CRAMP1: variants seen among roughly 807,000 people sequenced by gnomAD.
CRAMP1 encodes protein cramped-like.
Under a neutral mutation model 115.4 loss-of-function variants are expected in CRAMP1, and 50 were observed. The ratio of observed to expected loss-of-function variants is 0.43; its 90% CI spans 0.35 to 0.55. The LOEUF is 0.55. Among genes scored for constraint, CRAMP1 ranks in the 20% least tolerant of loss-of-function variants. The pLI is 0.01. For synonymous variants in CRAMP1, 866 were observed against 745.4 expected (o/e 1.16, Z -2.64); for missense variants, 1,679 against 1,721.7 (o/e 0.98, Z 0.44).
intron 11 of CRAMP1, among the ~76,000 whole-genome samples, chr16:1,660,878 C>T (rs1028138614): frequency 2.0e-5 from 3 of 152,066 alleles, no homozygotes; most frequent in Non-Finnish European, 4.4e-5. Flanking sequence ...CGTGGTGGTG[C>T]GCGCCTGTTA....
chr16:1,673,989 G>T lies in CRAMP1; in HGVS notation c.3754G>T (p.Glu1252Ter), dbSNP rs1451547341. The stretch of plus-strand genomic sequence containing the variant: ...GTCCATCGCTGAGCCTGGCCGCCGA[G>T]AAGCTCTGTTTGATGGTGGTGGAGG... ...ELSIAEPGRREALFDGGGGGP... is the reference protein window; with the variant it reads ...ELSIAEPGRR The change falls in exon 21 of 21, where the codon GAA (glutamate) becomes TAA (stop). Residue 1252 changes from glutamate (E) to a stop codon, truncating the protein, a stop_gained. Transcript: ENST00000397412. LOFTEE classifies it high-confidence loss of function. 1 of 1,612,774 alleles carries T rather than the reference G, an allele frequency of 6.2e-7. No homozygotes were observed. The highest frequency in any genetic ancestry group is 1.7e-5 in the Admixed American group (1 of 60,002).
chr16:1,655,142 A>G, intron 8 of CRAMP1, 77 bp from the exon 9 acceptor site: 2 of 1,298,308 alleles, frequency 1.5e-6, no homozygotes, highest in Admixed American at 3.4e-5. Flanking sequence ...CTCCTGCTGT[A>G]AGCAGCCTCG....
intron 13 of CRAMP1, among the ~76,000 whole-genome samples, 173 bp downstream of exon 13, chr16:1,663,008 C>T (rs1315878891): frequency 6.6e-6 from 1 of 152,136 alleles, no homozygotes; most frequent in Non-Finnish European, 1.5e-5. Context: ...TTAATGGTAC[C>T]CAGAAGTAAA....
chr16:1,655,691 C>T (rs1477091766), intron 9 of CRAMP1, among the ~76,000 whole-genome samples, 186 bp from the exon 10 acceptor site: 1 of 152,184 alleles, frequency 6.6e-6, no homozygotes, highest in African/African-American at 2.4e-5. Flanking sequence ...GTGTGAATTT[C>T]CTGAAGGTAC....
intron 4 of CRAMP1, among the ~76,000 whole-genome samples, chr16:1,634,500 G>C (rs1000105877): frequency 1.3e-5 from 2 of 151,686 alleles, no homozygotes; most frequent in Non-Finnish European, 2.9e-5. Flanking sequence ...CTCGGTGGGG[G>C]GTCACACCCA....
At chr16:1,661,715 C>T (rs1288867842) in intron 11 of CRAMP1, among the ~76,000 whole-genome samples, 1 of 151,854 alleles carries the variant, frequency 6.6e-6, no homozygotes, top group East Asian at 1.9e-4. Context: ...CCTGCCTCAG[C>T]CACCCGAGTA....
In CRAMP1 at chr16:1,653,163, T is replaced by C. The variant is rs1270033160; in HGVS notation, c.1037+7T>C. The C allele has an allele frequency of 6.2e-7, 1 of 1,606,386 alleles. No homozygotes were observed. Reference sequence around the variant, plus strand: ...CCCAGAACCCACGCCTCAGGTAACATGGCCCTTGGCACGCAGAGGGGTCCC... The same window carrying C: ...CCCAGAACCCACGCCTCAGGTAACACGGCCCTTGGCACGCAGAGGGGTCCC... On this transcript the variant is annotated splice_region_variant and intron_variant, in intron 8 of 20. Coordinates refer to ENST00000397412, the MANE Select transcript of CRAMP1 (RefSeq NM_020825.4).
At chr16:1,642,743 G>T (rs760821912) in intron 6 of CRAMP1, among the ~76,000 whole-genome samples, 3 of 152,226 alleles carry the variant, frequency 2.0e-5, no homozygotes, top group Non-Finnish European at 4.4e-5. Context: ...AAACACTGCC[G>T]CAGGATCCAT....
rs2036969669 is a variant in CRAMP1, at chr16:1,676,501, T to C, written c.*2456T>C. 1 of 151,250 alleles carries C rather than the reference T, an allele frequency of 6.6e-6. No homozygotes were observed. Among genetic ancestry groups the C allele is most frequent in the Non-Finnish European group, 1.5e-5 (1 of 67,822 alleles). 9.4% of individuals were successfully genotyped at this position (151,250 alleles called of 1,614,324 possible). On this transcript the variant is annotated 3_prime_UTR_variant, in exon 21 of 21. Transcript: ENST00000397412. Reference sequence around the variant, plus strand: ...CATAGGCAACTGTTAAAGGCTGGAATTTTCAAAAGATCCAAACAGAGACTT... The same window carrying C: ...CATAGGCAACTGTTAAAGGCTGGAACTTTCAAAAGATCCAAACAGAGACTT...
chr16:1,657,759 C>T (rs2036788712), intron 10 of CRAMP1, among the ~76,000 whole-genome samples: 1 of 152,148 alleles, frequency 6.6e-6, no homozygotes, highest in African/African-American at 2.4e-5. Flanking sequence ...AATCCTACCC[C>T]ACAGCCCCAA....
At chr16:1,660,170 C>A in intron 11 of CRAMP1, 107 bp downstream of exon 11, 1 of 955,326 alleles carries the variant, frequency 1.0e-6, no homozygotes, top group Non-Finnish European at 1.5e-6. Context: ...GAGGCCGGAC[C>A]CCACTGGCCA....
At chr16:1,646,073 G>A (rs2036671946) in intron 6 of CRAMP1, among the ~76,000 whole-genome samples, 1 of 152,130 alleles carries the variant, frequency 6.6e-6, no homozygotes, top group Non-Finnish European at 1.5e-5. Flanking sequence ...GTATGCCCTC[G>A]AGGCTCTTCC....
intron 5 of CRAMP1, among the ~76,000 whole-genome samples, chr16:1,640,401 A>G (rs1417104107): frequency 3.3e-5 from 5 of 152,000 alleles, no homozygotes; most frequent in Non-Finnish European, 4.4e-5. Context: ...TGCGAGGTGC[A>G]TTGTCTGTCT....
chr16:1,633,022 T>C (rs1185198201), intron 4 of CRAMP1, among the ~76,000 whole-genome samples: 2 of 152,186 alleles, frequency 1.3e-5, no homozygotes, highest in African/African-American at 4.8e-5. Flanking sequence ...TCTTCATTCC[T>C]GTAGCTTCAC....
chr16:1,643,262 C>T (rs2036647504), intron 6 of CRAMP1, among the ~76,000 whole-genome samples: 1 of 152,002 alleles, frequency 6.6e-6, no homozygotes, highest in African/African-American at 2.4e-5. Flanking sequence ...CCTCAGGTTG[C>T]CCAGGCGTAG....
At chr16:1,657,127 C>T (rs2036783263) in intron 10 of CRAMP1, 135 bp downstream of exon 10, 4 of 825,094 alleles carry the variant, frequency 4.8e-6, no homozygotes, top group East Asian at 5.6e-5. Context: ...TGGCAGGGGG[C>T]CAGGAGCCTT....
rs376482072 is a variant in CRAMP1, at chr16:1,674,366, C to T, written c.*321C>T. 143 of 319,542 alleles carry T rather than the reference C, an allele frequency of 4.5e-4. No homozygotes were observed. The highest frequency in any genetic ancestry group is 2.7e-3 in the African/African-American group (128 of 47,134). 19.8% of individuals were successfully genotyped at this position (319,542 alleles called of 1,614,324 possible). ...GCCTCGATTGTTGTGTTGGACATTCCGGTGGCATTTCCTTCTGAGACAAGG... is the reference window on the plus strand; with the variant it reads ...GCCTCGATTGTTGTGTTGGACATTCTGGTGGCATTTCCTTCTGAGACAAGG... On this transcript the variant is annotated 3_prime_UTR_variant, in exon 21 of 21. Coordinates refer to ENST00000397412, the MANE Select transcript of CRAMP1 (RefSeq NM_020825.4).
At chr16:1,635,771 A>G (rs2036584035) in intron 4 of CRAMP1, among the ~76,000 whole-genome samples, 1 of 152,196 alleles carries the variant, frequency 6.6e-6, no homozygotes, top group African/African-American at 2.4e-5. Flanking sequence ...GCCACTCTCT[A>G]GTTGCAGAAT....
intron 2 of CRAMP1, among the ~76,000 whole-genome samples, chr16:1,622,320 C>T (rs2036471785): frequency 1.3e-5 from 2 of 152,208 alleles, no homozygotes; most frequent in African/African-American, 4.8e-5. Context: ...CGTGACCAGC[C>T]TGAGCAACAT....
Sources: gnomAD v4.1 joint callset for allele counts (sites outside exome capture counted in the v4.1 genomes callset) on GRCh38, gnomAD v4.1.1 for gene constraint, MANE v1.5 for transcripts, NCBI Gene and HGNC (gene_info 2026-07-23, HGNC 2026-07-21) for gene names.